Variants in DIP2C observed in about 807,000 individuals in gnomAD.
DIP2C encodes disco-interacting protein 2 homolog C.
DIP2C carries 33 observed loss-of-function variants against 192.4 expected under a neutral mutation model. The ratio of observed to expected loss-of-function variants is 0.17; its 90% confidence interval spans 0.13 to 0.23. The LOEUF is 0.23. Among genes scored for constraint, DIP2C ranks in the 10% least tolerant of loss-of-function variants. The probability of loss-of-function intolerance (pLI) is 1.00; values close to 1 mark genes in which losing one functional copy is unlikely to be tolerated. For synonymous variants in DIP2C, 979 were observed against 864.1 expected (o/e 1.13, Z -2.33); for missense variants, 1,537 against 2,110.1 (o/e 0.73, Z 5.32).
rs571546737 is a variant in DIP2C, at chr10:651,407, C to T, written c.85+38087G>A. The T allele has an allele frequency of 5.7e-6, 4 of 698,682 alleles. No homozygotes were observed. The highest frequency in any genetic ancestry group is 1.5e-5 in the South Asian group (1 of 66,698). 43.3% of individuals were successfully genotyped at this position (698,682 alleles called of 1,614,324 possible). The stretch of plus-strand genomic sequence containing the variant: ...CAGCAAACTGTGGAACAACCAAACT[C>T]GTGACTGAATGAACAAGTATGTTAA... On this transcript the variant is annotated intron_variant, in intron 1 of 36. Coordinates refer to ENST00000280886, the MANE Select transcript of DIP2C (RefSeq NM_014974.3). The surrounding 1 kb of genome is among the most constrained non-coding windows in gnomAD (Gnocchi z 4.1).
chr10:558,599 C>T (rs1307487972), intron 1 of DIP2C, among the ~76,000 whole-genome samples: 6 of 152,224 alleles, frequency 3.9e-5, no homozygotes, highest in South Asian at 4.2e-4. Flanking sequence ...CCCACCATCG[C>T]GTCTCGGGGA....
chr10:390,654 G>A (rs1395103049), intron 11 of DIP2C, 86 bp downstream of exon 11: 4 of 1,546,638 alleles, frequency 2.6e-6, no homozygotes, highest in African/African-American at 2.7e-5. Context: ...ACAGAGGATT[G>A]AAACCGAGGC....
intron 1 of DIP2C, among the ~76,000 whole-genome samples, chr10:504,417 G>A (rs775152446): frequency 6.6e-6 from 1 of 152,208 alleles, no homozygotes; most frequent in Non-Finnish European, 1.5e-5. Context: ...GGAAGTCCTG[G>A]GAGAGAAACC....
At chr10:394,466 T>G (rs1256608543) in intron 10 of DIP2C, among the ~76,000 whole-genome samples, 1 of 149,196 alleles carries the variant, frequency 6.7e-6, no homozygotes, top group African/African-American at 2.5e-5. Flanking sequence ...GAGGGAAGTC[T>G]GCCGTGTGCT....
chr10:591,098 C>CAG (rs75054504), intron 1 of DIP2C, among the ~76,000 whole-genome samples: 42,654 of 152,062 alleles, frequency 0.28, 9,588 homozygotes, highest in African/African-American at 0.62. Context: ...TCACAGATAA[C>CAG]AGTCAGGTTT....
chr10:423,743 C>T (rs1016613965), intron 4 of DIP2C, among the ~76,000 whole-genome samples: 1 of 152,028 alleles, frequency 6.6e-6, no homozygotes. Flanking sequence ...GTTAGATACC[C>T]ATACAGTTCC....
chr10:363,214 T>G lies in DIP2C; in HGVS notation c.2575A>C (p.Met859Leu). The change falls in exon 21 of 37, where the codon ATG becomes CTG. Residue 859 changes from methionine (M) to leucine (L), a missense_variant. This residue lies in a region of DIP2C where 677 missense variants were observed against 989.9 expected (regional missense o/e 0.68). Coordinates refer to ENST00000280886, the MANE Select transcript of DIP2C (RefSeq NM_014974.3). This position sits in a 1 kb window ranked among gnomAD's most constrained non-coding sequence, Gnocchi z 5.4. Reference sequence around the variant, plus strand: ...AGGGCAACCTGCAGCACACGGCTCATCCACTGGAAACTGTCCTCTTCCGTG... The same window carrying G: ...AGGGCAACCTGCAGCACACGGCTCAGCCACTGGAAACTGTCCTCTTCCGTG... The part of the protein sequence containing the change: ...DSTEEDSFQW[M>L]SRVLQAIDSI... 1 of 1,613,588 alleles carries G rather than the reference T, an allele frequency of 6.2e-7. No homozygotes were observed. Among genetic ancestry groups the G allele is most frequent in the East Asian group, 2.2e-5 (1 of 44,870 alleles).
intron 4 of DIP2C, among the ~76,000 whole-genome samples, chr10:436,372 T>C (rs974367721): frequency 6.6e-6 from 1 of 152,234 alleles, no homozygotes; most frequent in Non-Finnish European, 1.5e-5. Flanking sequence ...ATCGTGACCA[T>C]GGGCAGGCTT....
At chr10:532,855 T>C (rs917562502) in intron 1 of DIP2C, among the ~76,000 whole-genome samples, 2 of 152,084 alleles carry the variant, frequency 1.3e-5, no homozygotes, top group East Asian at 1.9e-4. Flanking sequence ...AGAGGTGCTA[T>C]CACGGTTCAA....
intron 31 of DIP2C, among the ~76,000 whole-genome samples, chr10:316,385 T>C (rs1024986111): frequency 2.0e-5 from 3 of 152,198 alleles, no homozygotes; most frequent in Non-Finnish European, 4.4e-5. Context: ...CGGCGAGAGA[T>C]CTGCTTTCCA....
At chr10:579,247 A>G (rs1006603976) in intron 1 of DIP2C, among the ~76,000 whole-genome samples, 23 of 152,016 alleles carry the variant, frequency 1.5e-4, no homozygotes, top group African/African-American at 4.8e-4. Flanking sequence ...ACATAGGTAC[A>G]CTAACATGTG....
At chr10:638,658 C>G (rs1854966769) in intron 1 of DIP2C, among the ~76,000 whole-genome samples, 2 of 152,194 alleles carry the variant, frequency 1.3e-5, no homozygotes, top group Admixed American at 6.5e-5. Flanking sequence ...CCAAGAAGTT[C>G]CTTCCCCTCT....
At chr10:451,675 T>G (rs1968860341) in intron 3 of DIP2C, among the ~76,000 whole-genome samples, 1 of 152,218 alleles carries the variant, frequency 6.6e-6, no homozygotes, top group African/African-American at 2.4e-5. Context: ...TATTGTTTTT[T>G]GTTCATTCTC....
intron 4 of DIP2C, among the ~76,000 whole-genome samples, chr10:436,035 C>T (rs1478233601): frequency 6.6e-6 from 1 of 152,064 alleles, no homozygotes; most frequent in Admixed American, 6.6e-5. Context: ...TCATACTATA[C>T]TTTCAATAAG....
intron 4 of DIP2C, among the ~76,000 whole-genome samples, chr10:437,002 G>A (rs1967298210): frequency 1.6e-5 from 2 of 128,280 alleles, no homozygotes; most frequent in South Asian, 2.7e-4. Context: ...GGGTGGCCAT[G>A]CTCCACCCAC....
chr10:682,541 A>G lies in DIP2C; in HGVS notation c.85+6953T>C, dbSNP rs1759812113. 2.6e-5 allele frequency among the ~76,000 whole-genome samples: 4 copies of G among 152,346 alleles called. No individual in the cohort carries two copies. In the South Asian group the frequency reaches 8.3e-4, roughly 32 times the overall value. ...AAGTAAACTGTGATACATCAACCCAAAGATTAAACATTAAAACGATGAAGT... is the reference window on the plus strand; with the variant it reads ...AAGTAAACTGTGATACATCAACCCAGAGATTAAACATTAAAACGATGAAGT... On this transcript the variant is annotated intron_variant, in intron 1 of 36. Coordinates refer to ENST00000280886, the MANE Select transcript of DIP2C (RefSeq NM_014974.3).
chr10:477,779 GGA>G (rs1289191948), intron 2 of DIP2C, among the ~76,000 whole-genome samples: 3 of 136,842 alleles, frequency 2.2e-5, no homozygotes, highest in African/African-American at 5.5e-5. Context: ...AGGAAAAGAA[GGA>G]GAGAGAAAGA....
At chr10:511,398 G>A (rs1246607329) in intron 1 of DIP2C, among the ~76,000 whole-genome samples, 2 of 152,196 alleles carry the variant, frequency 1.3e-5, no homozygotes, top group East Asian at 1.9e-4. Flanking sequence ...TCTGTTACCA[G>A]GCAACCTTAA....
chr10:470,560 A>G (rs572957876), intron 3 of DIP2C, among the ~76,000 whole-genome samples: 6 of 152,302 alleles, frequency 3.9e-5, no homozygotes, highest in South Asian at 2.1e-4. Context: ...TTATCAAGAG[A>G]GAAGACCGTG....
Sources: allele counts gnomAD v4.1 joint callset (sites outside exome capture counted in the v4.1 genomes callset), GRCh38; gene constraint gnomAD v4.1.1; regional missense constraint gnomAD v4.1.1; non-coding constraint Gnocchi (gnomAD v3.1); transcripts MANE v1.5; gene names NCBI Gene and HGNC (gene_info 2026-07-23, HGNC 2026-07-21).